Variants in ARHGEF28 observed in about 807,000 individuals in gnomAD.
ARHGEF28 encodes Rho guanine nucleotide exchange factor 28.
Under a neutral mutation model 206.6 loss-of-function variants are expected in ARHGEF28, and 152 were observed. The observed-to-expected ratio is 0.74, with a 90% CI of 0.64 to 0.84. The LOEUF (loss-of-function observed/expected upper bound fraction) is 0.84. Among genes scored for constraint, ARHGEF28 ranks in the 40% least tolerant of loss-of-function variants. The pLI is 0.00. For missense variants in ARHGEF28, 2,028 were observed against 2,073.2 expected (o/e 0.98, Z 0.42); for synonymous variants, 763 against 776.4 (o/e 0.98, Z 0.29).
intron 11 of ARHGEF28, among the ~76,000 whole-genome samples, chr5:73,844,296 TGAA>T (rs1314360078): frequency 6.6e-6 from 1 of 152,196 alleles, no homozygotes; most frequent in Non-Finnish European, 1.5e-5. Context: ...GCCAATCATT[TGAA>T]GAACTATTTT....
In ARHGEF28 at chr5:73,911,492, T is replaced by C; in HGVS notation, c.4865T>C (p.Val1622Ala). 6.2e-7 allele frequency: 1 copy of C among 1,613,940 alleles called. No individual in the cohort carries two copies. The highest frequency in any genetic ancestry group is 8.5e-7 in the Non-Finnish European group (1 of 1,179,874). ...GTGGACCCTTCTCAGCCTTCGAATG[T>C]CAGTCACAAACTGTGGACAGCCGCT... ...LKVDPSQPSN[V>A]SHKLWTAAGS... Residue 1622 changes from valine (V) to alanine (A), a missense_variant, in exon 35 of 36, where the codon GTC (valine) becomes GCC (alanine). Physicochemically the swap from Val to Ala is moderately conservative, Grantham distance 64. This residue lies in a region of ARHGEF28 where 803 missense variants were observed against 768.0 expected (regional missense o/e 1.05). Coordinates refer to ENST00000513042, the MANE Select transcript of ARHGEF28 (RefSeq NM_001177693.2).
intron 35 of ARHGEF28, among the ~76,000 whole-genome samples, chr5:73,912,934 G>A (rs1762985553): frequency 6.6e-6 from 1 of 152,158 alleles, no homozygotes; most frequent in Non-Finnish European, 1.5e-5. Context: ...CTCAGTTTGA[G>A]TTAAACCACA....
At chr5:73,647,805 T>G (rs890199924) in intron 1 of ARHGEF28, among the ~76,000 whole-genome samples, 4 of 152,216 alleles carry the variant, frequency 2.6e-5, no homozygotes, top group Admixed American at 1.3e-4. Context: ...TTCTCTTAAT[T>G]ACTCTCTACT....
chr5:73,674,735 G>A (rs1746548378), intron 1 of ARHGEF28, among the ~76,000 whole-genome samples: 1 of 152,160 alleles, frequency 6.6e-6, no homozygotes, highest in South Asian at 2.1e-4. Context: ...GAGAAGAGAG[G>A]GGCTGAAGAC....
chr5:73,777,739 C>T (rs1753619021), intron 6 of ARHGEF28, among the ~76,000 whole-genome samples: 1 of 152,058 alleles, frequency 6.6e-6, no homozygotes, highest in Non-Finnish European at 1.5e-5. Flanking sequence ...CCAGTATATA[C>T]AGAATGAGGG....
At chr5:73,807,286 G>T (rs1030849013) in intron 9 of ARHGEF28, among the ~76,000 whole-genome samples, 1 of 151,916 alleles carries the variant, frequency 6.6e-6, no homozygotes, top group Non-Finnish European at 1.5e-5. Flanking sequence ...AATTCCATAT[G>T]ATTTATTATT....
chr5:73,898,224 A>G (rs959451991), intron 30 of ARHGEF28, 131 bp downstream of exon 30: 6 of 1,133,950 alleles, frequency 5.3e-6, no homozygotes, highest in Non-Finnish European at 2.4e-6. Flanking sequence ...ATTAGAAAAA[A>G]ACTGAGAATA....
At chr5:73,848,461 A>G (rs1419149751) in intron 12 of ARHGEF28, among the ~76,000 whole-genome samples, 2 of 152,182 alleles carry the variant, frequency 1.3e-5, no homozygotes, top group African/African-American at 4.8e-5. Context: ...TTAACTGGAT[A>G]TATTTTTCCC....
intron 2 of ARHGEF28, among the ~76,000 whole-genome samples, chr5:73,709,696 C>G (rs73762166): frequency 0.015 from 2,332 of 152,260 alleles, 58 homozygotes; most frequent in African/African-American, 0.053. Context: ...TGACTGCCCT[C>G]AGCATTCCTT....
chr5:73,786,238 G>C (rs766471225), intron 7 of ARHGEF28: 3 of 152,198 alleles, frequency 2.0e-5, no homozygotes, highest in Admixed American at 2.0e-4. Flanking sequence ...GTCATCGGGA[G>C]GGGCATTTCT....
intron 35 of ARHGEF28, among the ~76,000 whole-genome samples, chr5:73,926,090 G>A (rs369204522): frequency 1.3e-5 from 2 of 152,198 alleles, no homozygotes; most frequent in East Asian, 1.9e-4. Context: ...TTTGTTCAAC[G>A]TGATTTTCCT....
intron 7 of ARHGEF28, among the ~76,000 whole-genome samples, chr5:73,783,345 AGT>A (rs57320048): frequency 0.032 from 4,655 of 145,840 alleles, 218 homozygotes; most frequent in African/African-American, 0.1. Context: ...CCTGGAATAT[AGT>A]GTGTGTGTGT....
chr5:73,838,631 A>T (rs1757805413), intron 10 of ARHGEF28, among the ~76,000 whole-genome samples: 1 of 152,146 alleles, frequency 6.6e-6, no homozygotes, highest in South Asian at 2.1e-4. Flanking sequence ...TCATTCCCTG[A>T]GTGGGTGGTT....
rs73105719 is a variant in ARHGEF28 at position 73,920,877 on chromosome 5, C to T, written c.4948+9302C>T. On this transcript the variant is annotated intron_variant, in intron 35 of 35. Coordinates refer to ENST00000513042, the MANE Select transcript of ARHGEF28 (RefSeq NM_001177693.2). ...GCTTTAGAAATGAATCCAGTGCTGT[C>T]GCTGTAGGAAGATGACACATTTACG... Among the ~76,000 whole-genome samples, 1,369 of 152,234 alleles carry T rather than the reference C, an allele frequency of 9.0e-3. 28 individuals carry two copies. Among genetic ancestry groups the T allele is most frequent in the African/African-American group, 0.031 (1,271 of 41,528 alleles).
Position 73,778,581 on chromosome 5 carries a change from G to A in ARHGEF28, c.840+1885G>A, listed in dbSNP as rs959121759. Among the ~76,000 whole-genome samples, 3 of 152,020 alleles carry A rather than the reference G, an allele frequency of 2.0e-5. No homozygotes were observed. In the East Asian group the frequency reaches 5.8e-4, roughly 29 times the overall value. ...CATCCCTCTTTTTCCTTCCTTTCTT[G>A]AGGTGTATGGCTGATGTGAGCAGAG... is the stretch of plus-strand genomic sequence containing the variant. On this transcript the variant is annotated intron_variant, in intron 6 of 35. Coordinates refer to ENST00000513042, the MANE Select transcript of ARHGEF28 (RefSeq NM_001177693.2).
intron 1 of ARHGEF28, among the ~76,000 whole-genome samples, chr5:73,666,615 C>T (rs183585114): frequency 1.3e-5 from 2 of 152,318 alleles, no homozygotes; most frequent in East Asian, 1.9e-4. Flanking sequence ...TTGCTGCCTG[C>T]ACCTGTCAAC....
intron 18 of ARHGEF28, 83 bp downstream of exon 18, chr5:73,866,096 G>A: frequency 1.8e-6 from 2 of 1,133,626 alleles, no homozygotes; most frequent in South Asian, 3.2e-5. Flanking sequence ...ATCTCCTTTT[G>A]TTTTCTCATT....
intron 33 of ARHGEF28, chr5:73,908,611 A>T (rs544191148): frequency 4.1e-4 from 62 of 152,350 alleles, no homozygotes; most frequent in Non-Finnish European, 7.2e-4. Context: ...GATGTTGCCA[A>T]ACTTTTCATA....
At chr5:73,794,794 A>G (rs1304842864) in intron 8 of ARHGEF28, among the ~76,000 whole-genome samples, 2 of 151,940 alleles carry the variant, frequency 1.3e-5, no homozygotes, top group African/African-American at 2.4e-5. Flanking sequence ...TCTAGTAGAG[A>G]TGGGGTTTTG....
Sources: gnomAD v4.1 joint callset for allele counts (sites outside exome capture counted in the v4.1 genomes callset) on GRCh38, gnomAD v4.1.1 for gene constraint, gnomAD v4.1.1 regional missense constraint, MANE v1.5 for transcripts, NCBI Gene and HGNC (gene_info 2026-07-23, HGNC 2026-07-21) for gene names.